Variants in ACER3 observed in about 807,000 individuals in gnomAD.
ACER3 encodes the protein alkCDase 3.
In ACER3, 16 loss-of-function variants were observed where a neutral mutation model predicts 48.9. The ratio of observed to expected loss-of-function variants is 0.33; its 90% CI spans 0.22 to 0.50. The LOEUF is 0.50. Ranked by LOEUF, ACER3 falls within the 20% of genes least tolerant of loss-of-function variation. ACER3 has a pLI of 0.98. For synonymous variants in ACER3, 109 were observed against 107.8 expected, an observed-to-expected ratio of 1.01 and a Z score of -0.07; for missense variants, 227 against 326.0, an observed-to-expected ratio of 0.70 and a Z score of 2.34.
chr11:76,917,673 A>T (rs1260365983), intron 1 of ACER3, among the ~76,000 whole-genome samples: 1 of 152,092 alleles, frequency 6.6e-6, no homozygotes, highest in East Asian at 1.9e-4. Context: ...CATGAACAAC[A>T]TAGGGATACC....
At position 76,904,690 on chromosome 11, in the gene ACER3, A is replaced by G. The variant is rs372918120; in HGVS notation, c.104-21867A>G. On this transcript the variant is annotated intron_variant, in intron 1 of 10. Coordinates refer to ENST00000532485, the MANE Select transcript of ACER3 (RefSeq NM_018367.7). ...GGGTAAAATTGGGACCCGGCTGGAG[A>G]TGAGGCACAATTAAACTGCACAAGC... Among the ~76,000 whole-genome samples the G allele has an allele frequency of 1.4e-4, 21 of 152,318 alleles. No homozygotes were observed. In the East Asian group the frequency reaches 2.1e-3, roughly 15 times the overall value.
chr11:76,868,147 G>A, intron 1 of ACER3: 1 of 1,289,728 alleles, frequency 7.8e-7, no homozygotes, highest in Non-Finnish European at 1.0e-6. Flanking sequence ...TCCCTGAAGA[G>A]CAACCTCAAG....
chr11:76,982,855 T>G (rs1006154071), intron 4 of ACER3, among the ~76,000 whole-genome samples: 4 of 152,196 alleles, frequency 2.6e-5, no homozygotes, highest in Non-Finnish European at 4.4e-5. Flanking sequence ...CATGTTTTCC[T>G]TACCAGTATC....
chr11:76,905,973 G>A (rs1232392062), intron 1 of ACER3, among the ~76,000 whole-genome samples: 2 of 152,208 alleles, frequency 1.3e-5, no homozygotes, highest in African/African-American at 4.8e-5. Flanking sequence ...CAGACAGATG[G>A]TTGACTTTTG....
chr11:76,998,706 G>T, intron 6 of ACER3, 57 bp from the exon 7 acceptor site: 1 of 1,314,234 alleles, frequency 7.6e-7, no homozygotes, highest in Non-Finnish European at 1.1e-6. Flanking sequence ...AGGCAAAATA[G>T]ACTTCCTTTG....
In ACER3 at chr11:76,946,533, G is replaced by T. The variant is rs183025715; in HGVS notation, c.215-12446G>T. 9.8e-5 allele frequency among the ~76,000 whole-genome samples: 15 copies of T among 152,298 alleles called. No individual in the cohort carries two copies. In the East Asian group the frequency reaches 2.7e-3, roughly 27 times the overall value. On this transcript the variant is annotated intron_variant, in intron 2 of 10. Transcript: ENST00000532485. Reference sequence around the variant, plus strand: ...AGCCCAGCATTAAACTCTCAATATGGTGCCTAGGGTGGGGACTAGGTAGGG... The same window carrying T: ...AGCCCAGCATTAAACTCTCAATATGTTGCCTAGGGTGGGGACTAGGTAGGG...
chr11:76,947,359 C>G (rs930651017), intron 2 of ACER3, among the ~76,000 whole-genome samples: 1 of 152,090 alleles, frequency 6.6e-6, no homozygotes, highest in Admixed American at 6.6e-5. Context: ...CAGAAAAGGC[C>G]CATTGGAAAT....
chr11:76,972,323 G>T (rs995702822), intron 3 of ACER3, among the ~76,000 whole-genome samples: 1 of 152,096 alleles, frequency 6.6e-6, no homozygotes, highest in Non-Finnish European at 1.5e-5. Flanking sequence ...GCTTTGATTT[G>T]CATTTCCTTA....
intron 4 of ACER3, among the ~76,000 whole-genome samples, chr11:76,977,061 C>G (rs1285935378): frequency 1.3e-5 from 2 of 152,216 alleles, no homozygotes; most frequent in Admixed American, 1.3e-4. Context: ...ACAATGCCAT[C>G]TCTAATTCTC....
chr11:76,941,017 A>T (rs1187662392), intron 2 of ACER3, among the ~76,000 whole-genome samples: 1 of 78,564 alleles, frequency 1.3e-5, no homozygotes, highest in Non-Finnish European at 3.0e-5. Context: ...GTATAAACAC[A>T]CACACACACA....
chr11:76,873,349 A>C (rs1302937901), intron 1 of ACER3, among the ~76,000 whole-genome samples: 1 of 152,232 alleles, frequency 6.6e-6, no homozygotes, highest in Non-Finnish European at 1.5e-5. Flanking sequence ...AAGGAAAGTA[A>C]GTTCAAAAGG....
chr11:76,984,756 A>T (rs773816018), intron 4 of ACER3, among the ~76,000 whole-genome samples: 2 of 152,252 alleles, frequency 1.3e-5, no homozygotes, highest in Admixed American at 1.3e-4. Context: ...CTCCAATAAT[A>T]TTCCTTAGGA....
chr11:76,908,967 C>T (rs867441395), intron 1 of ACER3, among the ~76,000 whole-genome samples: 18 of 152,110 alleles, frequency 1.2e-4, no homozygotes, highest in African/African-American at 4.1e-4. Flanking sequence ...AATAACACCA[C>T]ACATCTACAA....
intron 2 of ACER3, 62 bp downstream of exon 2, chr11:76,926,729 A>C (rs1003765511): frequency 2.6e-6 from 3 of 1,140,438 alleles, no homozygotes; most frequent in Non-Finnish European, 3.8e-6. Flanking sequence ...TTTCTCATTC[A>C]TTTCTAAAAG....
At chr11:76,947,646 CCT>C (rs1433359216) in intron 2 of ACER3, among the ~76,000 whole-genome samples, 2 of 152,124 alleles carry the variant, frequency 1.3e-5, no homozygotes, top group African/African-American at 2.4e-5. Context: ...TTTATTTCCC[CCT>C]CTCTTTTTTA....
chr11:77,019,511 C>A (rs1393316641), intron 9 of ACER3: 4 of 551,204 alleles, frequency 7.3e-6, no homozygotes, highest in Non-Finnish European at 1.3e-5. Flanking sequence ...TAAAATGGAA[C>A]AACAAAGCCT....
chr11:77,012,292 C>G (rs576564879), intron 7 of ACER3, among the ~76,000 whole-genome samples: 1 of 152,036 alleles, frequency 6.6e-6, no homozygotes, highest in Admixed American at 6.6e-5. Context: ...GTGGCGCACG[C>G]CTGTAGTCCC....
chr11:77,015,289 T>A, intron 8 of ACER3, 172 bp downstream of exon 8: 1 of 495,732 alleles, frequency 2.0e-6, no homozygotes. Context: ...CTGTTTAAAT[T>A]ACCTAAAATT....
chr11:76,928,240 T>C (rs1232191609), intron 2 of ACER3, among the ~76,000 whole-genome samples: 1 of 152,260 alleles, frequency 6.6e-6, no homozygotes, highest in Non-Finnish European at 1.5e-5. Flanking sequence ...CATGTGTTTT[T>C]GGGCTGCATA....
Sources: gnomAD v4.1 joint callset for allele counts (sites outside exome capture counted in the v4.1 genomes callset) on GRCh38, gnomAD v4.1.1 for gene constraint, MANE v1.5 for transcripts, NCBI Gene and HGNC (gene_info 2026-07-23, HGNC 2026-07-21) for gene names.